ABCA8: variants seen among roughly 807,000 people sequenced by gnomAD.
The protein encoded by ABCA8 is ABC-type organic anion transporter ABCA8.
Under a neutral mutation model 192.3 loss-of-function variants are expected in ABCA8, and 177 were observed. The observed-to-expected ratio is 0.92, with a 90% CI of 0.81 to 1.04. The LOEUF (loss-of-function observed/expected upper bound fraction) is 1.04. Among genes scored for constraint, ABCA8 ranks in the 50% least tolerant of loss-of-function variants. The pLI, the probability that ABCA8 is intolerant of heterozygous loss-of-function variation, is 0.00. For synonymous variants in ABCA8, 642 were observed against 690.2 expected (o/e 0.93, Z 1.09); for missense variants, 1,915 against 1,904.8 (o/e 1.01, Z -0.10).
intron 17 of ABCA8, among the ~76,000 whole-genome samples, chr17:68,915,091 A>T (rs190635780): frequency 1.3e-5 from 2 of 152,278 alleles, no homozygotes; most frequent in Admixed American, 1.3e-4. Context: ...TATGCAGAAG[A>T]ATGAACCTAG....
chr17:68,915,849 C>T (rs907266922), intron 17 of ABCA8, among the ~76,000 whole-genome samples: 3 of 152,036 alleles, frequency 2.0e-5, no homozygotes, highest in African/African-American at 7.2e-5. Flanking sequence ...GCACCATTCA[C>T]GAGAGCCGAG....
At chr17:68,910,709 G>C (rs943476188) in intron 17 of ABCA8, among the ~76,000 whole-genome samples, 9 of 152,264 alleles carry the variant, frequency 5.9e-5, no homozygotes, top group Middle Eastern at 3.4e-3. Flanking sequence ...GGAGAGAGGA[G>C]TAAATAGGAT....
chr17:68,942,586 A>G (rs1567884403), intron 2 of ABCA8, among the ~76,000 whole-genome samples: 1 of 152,120 alleles, frequency 6.6e-6, no homozygotes, highest in Non-Finnish European at 1.5e-5. Context: ...CCAGATAGCT[A>G]CATCCCTTTC....
At chr17:68,885,761 G>A (rs2066443231) in intron 26 of ABCA8, among the ~76,000 whole-genome samples, 1 of 151,992 alleles carries the variant, frequency 6.6e-6, no homozygotes, top group Non-Finnish European at 1.5e-5. Flanking sequence ...TGTTGCTCAG[G>A]CTGGCCTTGA....
chr17:68,868,714 GAGA>G (rs1324698326), intron 38 of ABCA8, among the ~76,000 whole-genome samples: 2 of 152,134 alleles, frequency 1.3e-5, no homozygotes, highest in Non-Finnish European at 2.9e-5. Flanking sequence ...GAAGATTATG[GAGA>G]AGGATTTGTG....
rs150367524 is a variant in ABCA8, at chr17:68,919,324, G to C, written c.1765C>G (p.Leu589Val). Reference protein sequence around the residue: ...LRLFAKIKGILPQEVDKEIQR... With the variant: ...LRLFAKIKGIVPQEVDKEIQR... The stretch of plus-strand genomic sequence containing the variant: ...ACCTCTTTATCCACTTCTTGTGGCA[G>C]AATCCCTTTTATTTTAGCAAAGAGT... The change falls in exon 14 of 40, where the codon CTG (leucine) becomes GTG (valine). Residue 589 changes from leucine to valine, a missense_variant. By Grantham distance (32) the Leu-to-Val change is conservative. Coordinates refer to ENST00000586539, the MANE Select transcript of ABCA8 (RefSeq NM_001288985.2). 4 of 1,611,984 alleles carry C rather than the reference G, an allele frequency of 2.5e-6. No homozygotes were observed. The African/African-American group carries it at 4.0e-5, about 16-fold the overall frequency.
chr17:68,921,560 A>C, intron 12 of ABCA8, 68 bp from the exon 13 acceptor site: 1 of 983,846 alleles, frequency 1.0e-6, no homozygotes, highest in Admixed American at 2.0e-5. Context: ...AACCACAAAA[A>C]ATATTCCATT....
chr17:68,875,392 C>A lies in ABCA8; in HGVS notation c.4499G>T (p.Gly1500Val). 6.2e-7 allele frequency: 1 copy of A among 1,613,970 alleles called. No homozygotes were observed. Among genetic ancestry groups the A allele is most frequent in the Non-Finnish European group, 8.5e-7 (1 of 1,179,996 alleles). The change falls in exon 37 of 40, where the codon GGT becomes GTT. Residue 1500 changes from glycine to valine, a missense_variant. Transcript: ENST00000586539. ...IMVSGRLRCI[G>V]SIQHLKSKFG... ...TTTGCTTTTCAGGTGTTGGATGGAA[C>A]CGATACATCTGGAGGATGAGGTCAT... is the stretch of plus-strand genomic sequence containing the variant.
In ABCA8 at chr17:68,894,039, A is replaced by G; in HGVS notation, c.3036+134T>C. 2.1e-6 allele frequency: 2 copies of G among 974,566 alleles called. 1 individual carries two copies. The highest frequency in any genetic ancestry group is 5.2e-5 in the East Asian group (2 of 38,176). The allele number at this position is 974,566 out of a possible 1,614,324, so 60.4% of individuals were successfully genotyped here. The stretch of plus-strand genomic sequence containing the variant: ...CGTATTGATTTTCCAAAGTCACAGA[A>G]CTAGAATGAGTCCAAATGTTAATTT... On this transcript the variant is annotated intron_variant, in intron 23 of 39. Transcript: ENST00000586539.
chr17:68,907,342 T>G (rs1358420775), intron 18 of ABCA8, among the ~76,000 whole-genome samples: 1 of 152,092 alleles, frequency 6.6e-6, no homozygotes, highest in Non-Finnish European at 1.5e-5. Flanking sequence ...TAGTAAACTT[T>G]TATGCGTTAG....
At chr17:68,935,682 T>A (rs1419316442) in intron 5 of ABCA8, among the ~76,000 whole-genome samples, 1 of 151,460 alleles carries the variant, frequency 6.6e-6, no homozygotes, top group Non-Finnish European at 1.5e-5. Flanking sequence ...TTAAATATAA[T>A]GATTTTTTTT....
At chr17:68,906,248 T>C in intron 18 of ABCA8, 85 bp from the exon 19 acceptor site, 1 of 1,022,282 alleles carries the variant, frequency 9.8e-7, no homozygotes. Flanking sequence ...AGCACAAATC[T>C]ATGAAACTAT....
At chr17:68,931,137 T>C (rs553446070) in intron 7 of ABCA8, among the ~76,000 whole-genome samples, 1 of 152,142 alleles carries the variant, frequency 6.6e-6, no homozygotes, top group African/African-American at 2.4e-5. Flanking sequence ...CTAGCTCACA[T>C]CTCACCTCTG....
chr17:68,931,531 G>T (rs2143698076), intron 7 of ABCA8, among the ~76,000 whole-genome samples: 1 of 152,072 alleles, frequency 6.6e-6, no homozygotes, highest in Non-Finnish European at 1.5e-5. Context: ...TTCTTTAAAA[G>T]ATTATCTTCC....
Position 68,876,683 on chromosome 17 carries a change from A to G in ABCA8, c.4220T>C (p.Leu1407Pro), listed in dbSNP as rs781407438. 5 of 1,614,184 alleles carry G rather than the reference A, an allele frequency of 3.1e-6. No homozygotes were observed. In the Admixed American group the frequency reaches 5.0e-5, roughly 16 times the overall value. Residue 1407 changes from leucine to proline, a missense_variant, in exon 34 of 40, where the codon CTG becomes CCG. Transcript: ENST00000586539. ...CACGGGAGACTTCAGCTGGTCCTGC[A>G]GCTTGAGCGCATCCACTAACCTGAA... ...AITRLVDALK[L>P]QDQLKSPVKT...
chr17:68,891,036 T>A (rs2066611315), intron 24 of ABCA8, among the ~76,000 whole-genome samples: 1 of 152,212 alleles, frequency 6.6e-6, no homozygotes, highest in Admixed American at 6.5e-5. Context: ...TCCACCACAA[T>A]TTGTTGAAAA....
intron 7 of ABCA8, chr17:68,931,900 A>G (rs1256808220): frequency 6.0e-6 from 1 of 167,270 alleles, no homozygotes; most frequent in Non-Finnish European, 1.3e-5. Flanking sequence ...GTTGTGGAGA[A>G]ACAGGTTTTA....
intron 17 of ABCA8, among the ~76,000 whole-genome samples, chr17:68,914,535 C>A (rs1368504885): frequency 6.6e-6 from 1 of 151,966 alleles, no homozygotes; most frequent in African/African-American, 2.4e-5. Flanking sequence ...AGAAAGTAAT[C>A]CCATTGACAA....
rs1055325670 is a variant in ABCA8 at position 68,867,635 on chromosome 17, T to C, written c.*450A>G. The stretch of plus-strand genomic sequence containing the variant: ...GCAATAAGAAGCACACTTAAATCTA[T>C]TTCAAAAATATGACATGTTAAATTC... On this transcript the variant is annotated 3_prime_UTR_variant, in exon 40 of 40. Transcript: ENST00000586539. The C allele has an allele frequency of 2.0e-5, 3 of 152,432 alleles. No homozygotes were observed. Among genetic ancestry groups the C allele is most frequent in the Non-Finnish European group, 4.4e-5 (3 of 68,264 alleles). 9.4% of individuals were successfully genotyped at this position (152,432 alleles called of 1,614,324 possible).
Sources: gnomAD v4.1 joint callset for allele counts (sites outside exome capture counted in the v4.1 genomes callset) on GRCh38, gnomAD v4.1.1 for gene constraint, MANE v1.5 for transcripts, NCBI Gene and HGNC (gene_info 2026-07-23, HGNC 2026-07-21) for gene names.